DLC1: variants seen among roughly 807,000 people sequenced by gnomAD.
DLC1 encodes the protein rho GTPase-activating protein 7.
DLC1 carries 54 observed loss-of-function variants against 140.3 expected under a neutral mutation model. The ratio of observed to expected loss-of-function variants is 0.38; its 90% CI spans 0.31 to 0.48. The LOEUF is 0.48. Ranked by LOEUF, DLC1 falls within the 20% of genes least tolerant of loss-of-function variation. The pLI, the probability that DLC1 is intolerant of heterozygous loss-of-function variation, is 0.96. For missense variants in DLC1, 2,536 were observed against 1,907.0 expected (o/e 1.33, Z -6.14); for synonymous variants, 986 against 728.1 (o/e 1.35, Z -5.70).
chr8:13,561,467 C>G (rs1480414319), intron 1 of DLC1, among the ~76,000 whole-genome samples: 1 of 152,126 alleles, frequency 6.6e-6, no homozygotes, highest in Non-Finnish European at 1.5e-5. Context: ...AAATGAAAAG[C>G]CACTACACGT....
At chr8:13,206,074 T>A (rs542760857) in intron 5 of DLC1, among the ~76,000 whole-genome samples, 2 of 152,212 alleles carry the variant, frequency 1.3e-5, no homozygotes, top group Non-Finnish European at 2.9e-5. Flanking sequence ...AGCAAAGTCA[T>A]CACTGTTAGC....
At chr8:13,137,641 AC>A in intron 5 of DLC1, among the ~76,000 whole-genome samples, 1 of 144,088 alleles carries the variant, frequency 6.9e-6, no homozygotes, top group Non-Finnish European at 1.5e-5. Flanking sequence ...CACTCTTGTC[AC>A]CCAGACTGGA....
intron 4 of DLC1, among the ~76,000 whole-genome samples, chr8:13,337,729 G>C (rs1198144203): frequency 6.6e-6 from 1 of 152,020 alleles, no homozygotes; most frequent in African/African-American, 2.4e-5. Flanking sequence ...CATCCGTTTT[G>C]GTACAATAAA....
intron 5 of DLC1, among the ~76,000 whole-genome samples, chr8:13,241,142 C>T (rs1166293356): frequency 6.6e-6 from 1 of 152,194 alleles, no homozygotes; most frequent in Admixed American, 6.5e-5. Flanking sequence ...GAATACTGCC[C>T]TTCAATAAGG....
At chr8:13,331,859 C>T (rs1683080424) in intron 4 of DLC1, among the ~76,000 whole-genome samples, 1 of 152,154 alleles carries the variant, frequency 6.6e-6, no homozygotes, top group South Asian at 2.1e-4. Context: ...GTCCTCACTC[C>T]TTGTTTTAAG....
At chr8:13,319,294 C>A (rs900600875) in intron 4 of DLC1, among the ~76,000 whole-genome samples, 5 of 152,162 alleles carry the variant, frequency 3.3e-5, no homozygotes, top group African/African-American at 1.2e-4. Flanking sequence ...CCATTTTCGC[C>A]TCCGTTCCCT....
chr8:13,534,396 C>A lies in DLC1; in HGVS notation c.-125-34200G>T, dbSNP rs1368123672. On this transcript the variant is annotated intron_variant, in intron 1 of 1. Transcript: ENST00000631382. ...CACACACCCCTCGCTAACTGTAATT[C>A]AATAGAAGGCTCAGAACATTGTAAT... Among the ~76,000 whole-genome samples the A allele has an allele frequency of 2.6e-5, 4 of 152,186 alleles. No homozygotes were observed. In the East Asian group the frequency reaches 5.8e-4, roughly 22 times the overall value.
At chr8:13,545,377 G>A (rs961018763) in intron 1 of DLC1, among the ~76,000 whole-genome samples, 14 of 151,586 alleles carry the variant, frequency 9.2e-5, no homozygotes, top group Non-Finnish European at 1.9e-4. Flanking sequence ...GAAAGCTCCA[G>A]CTGCATAAAT....
At chr8:13,454,006 C>T (rs978765039) in intron 2 of DLC1, among the ~76,000 whole-genome samples, 113 of 152,188 alleles carry the variant, frequency 7.4e-4, no homozygotes, top group South Asian at 2.1e-4. Context: ...GGCTGTAAAT[C>T]CTTCTCATGG....
rs534739879 is a variant in DLC1, at chr8:13,352,257, A to C, written c.1314+41296T>G. 6.6e-5 allele frequency among the ~76,000 whole-genome samples: 10 copies of C among 152,378 alleles called. No individual in the cohort carries two copies. In the South Asian group the frequency reaches 2.1e-3, roughly 32 times the overall value. ...CGGCCTCACCGTCACATGCACATGC[A>C]TAGAAAGTCAGCAAAAGCAACAGGA... On this transcript the variant is annotated intron_variant, in intron 4 of 17. Transcript: ENST00000276297.
intron 5 of DLC1, among the ~76,000 whole-genome samples, chr8:13,245,883 G>A: frequency 6.6e-6 from 1 of 151,906 alleles, no homozygotes; most frequent in East Asian, 1.9e-4. Flanking sequence ...TGTATTTTTA[G>A]TAGAGATGCA....
At chr8:13,601,593 T>C (rs1418533263) in intron 1 of DLC1, among the ~76,000 whole-genome samples, 2 of 151,180 alleles carry the variant, frequency 1.3e-5, no homozygotes, top group Non-Finnish European at 3.0e-5. Flanking sequence ...GGATATGAGA[T>C]GGTAACTTGG....
intron 2 of DLC1, among the ~76,000 whole-genome samples, chr8:13,417,726 A>G (rs139406322): frequency 0.086 from 13,059 of 152,216 alleles, 674 homozygotes; most frequent in East Asian, 0.14. Flanking sequence ...GTTCATACCC[A>G]GTAATGGGAT....
chr8:13,091,480 T>C (rs746890592), intron 13 of DLC1, 48 bp from the exon 14 acceptor site: 9 of 1,534,558 alleles, frequency 5.9e-6, no homozygotes, highest in Non-Finnish European at 8.0e-6. Flanking sequence ...ATTTATATAT[T>C]TTTCTTCAAG....
At chr8:13,490,664 A>G (rs942170263) in intron 2 of DLC1, among the ~76,000 whole-genome samples, 1 of 152,236 alleles carries the variant, frequency 6.6e-6, no homozygotes, top group Non-Finnish European at 1.5e-5. Flanking sequence ...TTATAGTAAC[A>G]GAAATCCATG....
intron 2 of DLC1, among the ~76,000 whole-genome samples, chr8:13,494,040 C>G (rs1055128969): frequency 6.6e-6 from 1 of 152,102 alleles, no homozygotes; most frequent in Non-Finnish European, 1.5e-5. Context: ...GACAGTTTTT[C>G]TATGAGAAAT....
At position 13,552,111 on chromosome 8, in the gene DLC1, GTATATATATA is replaced by G. The variant is rs3066465; in HGVS notation, c.-125-51925_-125-51916del. Among the ~76,000 whole-genome samples the G allele has an allele frequency of 7.2e-4, 39 of 54,530 alleles. 2 individuals are homozygous for G. The East Asian group carries it at 7.8e-3, about 11-fold the overall frequency. 35.8% of individuals were successfully genotyped at this position (54,530 alleles called of 152,430 possible). A position where few individuals can be genotyped will look rare whatever the true frequency, so the allele number is the denominator to read the frequency against. ...TATATGTATGTACCTGTCTAGAGGT[GTATATATATA>G]TATATATATATATATATATATCTGT... On this transcript the variant is annotated intron_variant, in intron 1 of 1. Transcript: ENST00000631382.
At chr8:13,115,926 T>C (rs1382745069) in intron 5 of DLC1, among the ~76,000 whole-genome samples, 3 of 152,328 alleles carry the variant, frequency 2.0e-5, no homozygotes, top group Middle Eastern at 3.4e-3. Context: ...GTGCTGCTTC[T>C]GAAGTGCTCT....
rs1372866932 is a variant in DLC1 at position 13,291,501 on chromosome 8, T to G, written c.1348+13768A>C. On this transcript the variant is annotated intron_variant, in intron 5 of 17. Coordinates refer to ENST00000276297, the MANE Select transcript of DLC1 (RefSeq NM_182643.3). ...AAGAGAAAGACCAATATCAGAGCTA[T>G]TAAAATGAAAATCAAACCCTGTCCA... Among the ~76,000 whole-genome samples, 3 of 152,192 alleles carry G rather than the reference T, an allele frequency of 2.0e-5. No individual in the cohort carries two copies. In the East Asian group the frequency reaches 5.8e-4, roughly 29 times the overall value.
Sources: allele counts gnomAD v4.1 joint callset (sites outside exome capture counted in the v4.1 genomes callset), GRCh38; gene constraint gnomAD v4.1.1; transcripts MANE v1.5; gene names NCBI Gene and HGNC (gene_info 2026-07-23, HGNC 2026-07-21).